The following CYTIP variants were observed in gnomAD, a reference collection of about 807,000 sequenced individuals.
CYTIP encodes cytohesin-interacting protein.
CYTIP carries 26 observed loss-of-function variants against 43.8 expected under a neutral mutation model. That is an observed-to-expected ratio of 0.59 (90% CI 0.44 to 0.82). CYTIP has a LOEUF of 0.82. Among genes scored for constraint, CYTIP ranks in the 40% least tolerant of loss-of-function variants. The probability of loss-of-function intolerance (pLI) is 0.00; values close to 1 mark genes in which losing one functional copy is unlikely to be tolerated. For synonymous variants in CYTIP, 162 were observed against 162.9 expected (o/e 0.99, Z 0.04); for missense variants, 426 against 443.1 (o/e 0.96, Z 0.35).
chr2:157,417,986 T>C (rs1034147196), intron 7 of CYTIP, among the ~76,000 whole-genome samples: 5 of 152,352 alleles, frequency 3.3e-5, no homozygotes, highest in African/African-American at 2.4e-5. Flanking sequence ...CCCTTAAAAA[T>C]GCACTCAATG....
chr2:157,431,388 C>CA (rs1287396307), intron 3 of CYTIP, among the ~76,000 whole-genome samples: 5 of 152,308 alleles, frequency 3.3e-5, no homozygotes, highest in Middle Eastern at 3.4e-3. Context: ...AGCAAGGAGA[C>CA]ATGCCAACAA....
chr2:157,430,927 C>T lies in CYTIP; in HGVS notation c.315G>A (p.Ser105=), dbSNP rs1213702629. ...TTTTGCATATCAAAGTGAACATTTC[C>T]GAGGAGCAGGCATTCTGATTCTGGG... ...YRPQNQNACS[S]EMFTLICKIQ... is the part of the protein sequence containing the mutation. Residue 105 remains serine, a synonymous_variant, in exon 4 of 8, where the codon TCG becomes TCA. Coordinates refer to ENST00000264192, the MANE Select transcript of CYTIP (RefSeq NM_004288.5). 6.2e-6 allele frequency: 10 copies of T among 1,613,734 alleles called. No homozygotes were observed. Among genetic ancestry groups the T allele is most frequent in the Admixed American group, 1.7e-5 (1 of 59,970 alleles).
Position 157,427,405 on chromosome 2 carries a change from A to C in CYTIP, c.492T>G (p.Asn164Lys). 2 of 1,608,230 alleles carry C rather than the reference A, an allele frequency of 1.2e-6. No homozygotes were observed. Among genetic ancestry groups the C allele is most frequent in the Non-Finnish European group, 1.7e-6 (2 of 1,178,126 alleles). Reference sequence around the variant, plus strand: ...CCGTTCTTTTCAGAATCATTGTTCCATTAAGAGTCTCTATCCTGTTTTAAG... The same window carrying C: ...CCGTTCTTTTCAGAATCATTGTTCCCTTAAGAGTCTCTATCCTGTTTTAAG... Reference protein sequence around the residue: ...SGNLLTIETLNGTMILKRTEL... With the variant: ...SGNLLTIETLKGTMILKRTEL... The change falls in exon 6 of 8, where the codon AAT becomes AAG. Residue 164 changes from asparagine to lysine, a missense_variant. Physicochemically the swap from Asn to Lys is moderately conservative, Grantham distance 94. Coordinates refer to ENST00000264192, the MANE Select transcript of CYTIP (RefSeq NM_004288.5).
At chr2:157,435,036 T>C (rs377222376) in intron 1 of CYTIP, among the ~76,000 whole-genome samples, 1 of 151,912 alleles carries the variant, frequency 6.6e-6, no homozygotes, top group Non-Finnish European at 1.5e-5. Context: ...AGTTAAAAGA[T>C]TGAAAGAGGT....
chr2:157,428,663 A>G (rs2105139128), intron 5 of CYTIP, among the ~76,000 whole-genome samples: 1 of 152,310 alleles, frequency 6.6e-6, no homozygotes, highest in East Asian at 1.9e-4. Flanking sequence ...CCCATGTGGA[A>G]CATGCTTTCT....
intron 1 of CYTIP, among the ~76,000 whole-genome samples, chr2:157,437,809 A>C (rs1489223570): frequency 6.6e-6 from 1 of 152,232 alleles, no homozygotes; most frequent in East Asian, 1.9e-4. Context: ...AATGGAAATT[A>C]AAACCACAAT....
chr2:157,440,625 G>C (rs1027411061), intron 1 of CYTIP, among the ~76,000 whole-genome samples: 1 of 152,130 alleles, frequency 6.6e-6, no homozygotes, highest in South Asian at 2.1e-4. Flanking sequence ...ACACATCCCA[G>C]AGCAGAGCAC....
At chr2:157,436,638 A>G (rs1685810280) in intron 1 of CYTIP, among the ~76,000 whole-genome samples, 1 of 152,064 alleles carries the variant, frequency 6.6e-6, no homozygotes, top group Non-Finnish European at 1.5e-5. Context: ...ATACTGGATC[A>G]AATACTTCAC....
At chr2:157,435,547 A>G (rs905949897) in intron 1 of CYTIP, among the ~76,000 whole-genome samples, 1 of 152,158 alleles carries the variant, frequency 6.6e-6, no homozygotes, top group Admixed American at 6.5e-5. Context: ...ACATTCTACC[A>G]CTGTAAACAG....
At chr2:157,418,678 C>T in intron 6 of CYTIP, 89 bp from the exon 7 acceptor site, 1 of 1,262,656 alleles carries the variant, frequency 7.9e-7, no homozygotes, top group Non-Finnish European at 1.1e-6. Flanking sequence ...TGAGATTTGT[C>T]ATTAAATTTT....
At chr2:157,420,205 GTGCACA>G (rs1166837827) in intron 6 of CYTIP, among the ~76,000 whole-genome samples, 1 of 152,100 alleles carries the variant, frequency 6.6e-6, no homozygotes, top group African/African-American at 2.4e-5. Context: ...GGGTATGGTG[GTGCACA>G]CCAGTTCTTA....
chr2:157,420,254 G>A (rs977415060), intron 6 of CYTIP, among the ~76,000 whole-genome samples: 8 of 152,210 alleles, frequency 5.3e-5, no homozygotes, highest in African/African-American at 1.7e-4. Context: ...AGTGGCTCAC[G>A]CCTGTAATCC....
rs993033917 is a variant in CYTIP, at chr2:157,443,427, G to A, written c.174+420C>T. ...AATTAGTCAACAAAATTTGTCCTCAGAAAAAGTATTTCTTATTTGATTATG... is the reference window on the plus strand; with the variant it reads ...AATTAGTCAACAAAATTTGTCCTCAAAAAAAGTATTTCTTATTTGATTATG... On this transcript the variant is annotated intron_variant, in intron 1 of 7. Coordinates refer to ENST00000264192, the MANE Select transcript of CYTIP (RefSeq NM_004288.5). 5.9e-5 allele frequency among the ~76,000 whole-genome samples: 9 copies of A among 152,060 alleles called. No homozygotes were observed. In the East Asian group the frequency reaches 1.7e-3, roughly 29 times the overall value.
At chr2:157,419,017 G>C (rs541446376) in intron 6 of CYTIP, among the ~76,000 whole-genome samples, 29 of 152,228 alleles carry the variant, frequency 1.9e-4, no homozygotes, top group Admixed American at 1.9e-3. Flanking sequence ...AAAATTTTTA[G>C]AACAGTGACT....
At chr2:157,435,267 T>C (rs1240086897) in intron 1 of CYTIP, among the ~76,000 whole-genome samples, 2 of 152,154 alleles carry the variant, frequency 1.3e-5, no homozygotes, top group Non-Finnish European at 2.9e-5. Context: ...GAAATGACAG[T>C]GTTTACTATA....
intron 5 of CYTIP, 141 bp downstream of exon 5, chr2:157,430,418 G>T: frequency 2.9e-6 from 2 of 678,114 alleles, no homozygotes. Flanking sequence ...AACTGATAAT[G>T]TTTGTACCCC....
chr2:157,434,297 T>A (rs1322055265), intron 3 of CYTIP, 73 bp downstream of exon 3: 20 of 1,182,290 alleles, frequency 1.7e-5, no homozygotes, highest in Non-Finnish European at 2.3e-5. Flanking sequence ...CTTCATTTTT[T>A]CTTTGCACAT....
chr2:157,418,455 C>A, intron 7 of CYTIP, 68 bp downstream of exon 7: 3 of 1,492,790 alleles, frequency 2.0e-6, no homozygotes, highest in South Asian at 1.3e-5. Flanking sequence ...AATCTTAAAC[C>A]AACTTTGAGG....
chr2:157,441,785 AG>A (rs752725322), intron 1 of CYTIP, among the ~76,000 whole-genome samples: 17 of 152,246 alleles, frequency 1.1e-4, no homozygotes, highest in Middle Eastern at 6.8e-3. Context: ...TTCATATTAA[AG>A]CCTTTCAGTC....
Sources: gnomAD v4.1 joint callset for allele counts (sites outside exome capture counted in the v4.1 genomes callset) on GRCh38, gnomAD v4.1.1 for gene constraint, MANE v1.5 for transcripts, NCBI Gene and HGNC (gene_info 2026-07-23, HGNC 2026-07-21) for gene names.